COL6A3: variants seen among roughly 807,000 people sequenced by gnomAD.
COL6A3 encodes the protein collagen type VI alpha 3 chain, also known as collagen alpha-3(VI) chain.
Under a neutral mutation model 274.1 loss-of-function variants are expected in COL6A3, and 137 were observed. The observed-to-expected ratio is 0.50, with a 90% CI of 0.44 to 0.58. The LOEUF (loss-of-function observed/expected upper bound fraction) is 0.58. Ranked by LOEUF, COL6A3 falls within the 20% of genes least tolerant of loss-of-function variation. COL6A3 has a pLI of 0.00. For missense variants in COL6A3, 3,950 were observed against 4,124.9 expected (o/e 0.96, Z 1.16); for synonymous variants, 1,650 against 1,650.6 (o/e 1.00, Z 0.01).
Position 237,342,148 on chromosome 2 carries a change from G to A in COL6A3, c.7682C>T (p.Ala2561Val), listed in dbSNP as rs1423559272. Residue 2561 changes from alanine to valine, a missense_variant, in exon 37 of 44, where the codon GCA becomes GTA. Ala to Val is a moderately conservative substitution (Grantham distance 64, BLOSUM62 0). This residue lies in a region of COL6A3 where 1,284 missense variants were observed against 1,349.7 expected (regional missense o/e 0.95). Transcript: ENST00000295550. ...AGGCAGGACAAGCGCATGCCCCACTGCTGTGTTATTGATCTGGTTTAAACA... is the reference window on the plus strand; with the variant it reads ...AGGCAGGACAAGCGCATGCCCCACTACTGTGTTATTGATCTGGTTTAAACA... ...LINALQINNT[A>V]VGHALVLPAG... The A allele has an allele frequency of 1.9e-6, 3 of 1,614,158 alleles. No homozygotes were observed. The highest frequency in any genetic ancestry group is 2.5e-6 in the Non-Finnish European group (3 of 1,179,998).
intron 1 of COL6A3, among the ~76,000 whole-genome samples, chr2:237,408,429 C>T (rs776872479): frequency 2.0e-5 from 3 of 152,208 alleles, no homozygotes; most frequent in Non-Finnish European, 4.4e-5. Context: ...CCTGGTGCAC[C>T]GCCGGGCCGG....
rs140173700 is a variant in COL6A3 at position 237,384,453 on chromosome 2, C to T, written c.1313-2954G>A. 4.3e-3 allele frequency among the ~76,000 whole-genome samples: 651 copies of T among 152,200 alleles called. 6 individuals are homozygous for T. Among genetic ancestry groups the T allele is most frequent in the African/African-American group, 0.015 (627 of 41,506 alleles). ...CTCTCTGTTTTCCTCCATGCCTCAT[C>T]CCTGCACCTCCATCAGACTCTCCTG... On this transcript the variant is annotated intron_variant, in intron 4 of 43. Transcript: ENST00000295550.
chr2:237,348,303 C>G (rs1423201819), intron 30 of COL6A3, 46 bp downstream of exon 30: 1 of 1,523,692 alleles, frequency 6.6e-7, no homozygotes, highest in South Asian at 1.1e-5. Context: ...CATACCAGAG[C>G]CATCCCAAAA....
At chr2:237,356,130 C>A (rs767384446) in intron 23 of COL6A3, among the ~76,000 whole-genome samples, 19 of 152,176 alleles carry the variant, frequency 1.2e-4, no homozygotes, top group South Asian at 4.1e-4. Flanking sequence ...GAATTCAAAT[C>A]CAGTTTCTAC....
At position 237,324,516 on chromosome 2, in the gene COL6A3, C is replaced by T. The variant is rs1699827792; in HGVS notation, c.*258G>A. 1.3e-5 allele frequency: 6 copies of T among 477,098 alleles called. No homozygotes were observed. In the East Asian group the frequency reaches 1.9e-4, roughly 15 times the overall value. The allele number at this position is 477,098 out of a possible 1,614,324, so 29.6% of individuals were successfully genotyped here. ...GGATTGATAGGAATGTTCACATAAACACCAGCAGTGGCTAACTGTTACACA... is the reference window on the plus strand; with the variant it reads ...GGATTGATAGGAATGTTCACATAAATACCAGCAGTGGCTAACTGTTACACA... On this transcript the variant is annotated 3_prime_UTR_variant, in exon 44 of 44. Coordinates refer to ENST00000295550, the MANE Select transcript of COL6A3 (RefSeq NM_004369.4).
rs754390715 is a variant in COL6A3 at position 237,368,759 on chromosome 2, A to G, written c.4704T>C (p.Ile1568=). ...TCCGGTCTCCTACCCCTAAACTCAC[A>G]ATGCCCGAGGAACGGATCACCTGGG... The part of the protein sequence containing the change: ...RFAQVIRSSG[I]VSLGVGDRNI... The change falls in exon 10 of 44, where the codon ATT becomes ATC. Residue 1568 remains isoleucine (I), a synonymous_variant. Transcript: ENST00000295550. This position sits in a 1 kb window ranked among gnomAD's most constrained non-coding sequence, Gnocchi z 4.4. The G allele has an allele frequency of 1.2e-6, 2 of 1,614,124 alleles. No individual in the cohort carries two copies. The highest frequency in any genetic ancestry group is 1.7e-6 in the Non-Finnish European group (2 of 1,180,022).
rs765647487 is a variant in COL6A3, at chr2:237,361,130, C to T, written c.6201G>A (p.Glu2067=). The change falls in exon 16 of 44, where the codon GAG becomes GAA. Residue 2067 remains glutamate, a synonymous_variant. Transcript: ENST00000295550. This position sits in a 1 kb window ranked among gnomAD's most constrained non-coding sequence, Gnocchi z 5.1. ...AACAATTTTTACTTACGGGTCCACC[C>T]TCATCACCAGGATAGCCTCGGTAGC... ...EDGYRGYPGD[E]GGPGERGPPG... The T allele has an allele frequency of 1.2e-6, 2 of 1,614,084 alleles. No homozygotes were observed. The highest frequency in any genetic ancestry group is 1.7e-6 in the Non-Finnish European group (2 of 1,179,966).
rs1217360440 is a variant in COL6A3, at chr2:237,344,510, C to T, written c.7508G>A (p.Arg2503Lys). The T allele has an allele frequency of 6.2e-7, 1 of 1,614,082 alleles. No individual in the cohort carries two copies. Among genetic ancestry groups the T allele is most frequent in the African/African-American group, 1.3e-5 (1 of 74,924 alleles). Residue 2503 changes from arginine (R) to lysine (K), a missense_variant, in exon 36 of 44, where the codon AGG becomes AAG. Transcript: ENST00000295550. This position sits in a 1 kb window ranked among gnomAD's most constrained non-coding sequence, Gnocchi z 4.8. ...CACTTTCCTCATTAGGAATCCGTTC[C>T]TCACACGCTTAAATGTGTTCCTGGC... is the stretch of plus-strand genomic sequence containing the variant. ...FVARNTFKRV[R>K]NGFLMRKVAV...
chr2:237,359,386 G>A lies in COL6A3; in HGVS notation c.6285C>T (p.Gly2095=). The A allele has an allele frequency of 6.2e-7, 1 of 1,613,826 alleles. No individual in the cohort carries two copies. Residue 2095 remains glycine, a splice_region_variant and synonymous_variant, in exon 18 of 44, where the codon GGC becomes GGT. Coordinates refer to ENST00000295550, the MANE Select transcript of COL6A3 (RefSeq NM_004369.4). ...CCTTCTCTCCTGGGAATCCCCGAGA[G>A]CCCTAGAAGGCAAGGCGATAGGGGA... ...QGCPGQRGVK[G]SRGFPGEKGE...
chr2:237,341,213 A>C (rs1226668772), intron 37 of COL6A3, 63 bp from the exon 38 acceptor site: 2 of 1,467,308 alleles, frequency 1.4e-6, no homozygotes, highest in Non-Finnish European at 1.9e-6. Context: ...ACAGCTCATC[A>C]ATCTGCTGGG....
chr2:237,330,715 A>G (rs1053376195), intron 42 of COL6A3, among the ~76,000 whole-genome samples: 2 of 152,236 alleles, frequency 1.3e-5, no homozygotes, highest in Non-Finnish European at 2.9e-5. Context: ...CTGCCCTCGC[A>G]TTACATGCCT....
At chr2:237,358,475 T>G (rs371582317) in intron 21 of COL6A3, 46 bp downstream of exon 21, 2 of 1,513,372 alleles carry the variant, frequency 1.3e-6, no homozygotes, top group African/African-American at 2.7e-5. Context: ...CCAACAACCC[T>G]CTTCCCCAGG....
At chr2:237,348,743 CT>C in intron 28 of COL6A3, 80 bp from the exon 29 acceptor site, 4 of 1,264,058 alleles carry the variant, frequency 3.2e-6, no homozygotes, top group Non-Finnish European at 4.6e-6. Flanking sequence ...GCCGCTGCCC[CT>C]GAGAAGTGGA....
In COL6A3 at chr2:237,394,764, C is replaced by A; in HGVS notation, c.532G>T (p.Glu178Ter). The A allele has an allele frequency of 6.2e-7, 1 of 1,614,220 alleles. No homozygotes were observed. The highest frequency in any genetic ancestry group is 8.5e-7 in the Non-Finnish European group (1 of 1,180,036). ...TTTAACGCTCCTTCATCTGCATCCTCAACTCCAATTGCAAACACGTTAACA... is the reference window on the plus strand; with the variant it reads ...TTTAACGCTCCTTCATCTGCATCCTAAACTCCAATTGCAAACACGTTAACA... ...ADVNVFAIGV[E>*]DADEGALKEI... Residue 178 changes from glutamate (E) to a stop codon, truncating the protein, a stop_gained, in exon 3 of 44, where the codon GAG becomes TAG. Coordinates refer to ENST00000295550, the MANE Select transcript of COL6A3 (RefSeq NM_004369.4). LOFTEE classifies it high-confidence loss of function.
intron 24 of COL6A3, among the ~76,000 whole-genome samples, 165 bp from the exon 25 acceptor site, chr2:237,353,568 T>G (rs2106334696): frequency 1.3e-5 from 2 of 152,302 alleles, no homozygotes; most frequent in Non-Finnish European, 2.9e-5. Context: ...GGTGAGACAC[T>G]GAGCACAGGA....
In COL6A3 at chr2:237,356,991, T is replaced by A. The variant is rs574238043; in HGVS notation, c.6591+347A>T. 1.1e-5 allele frequency: 4 copies of A among 380,882 alleles called. No homozygotes were observed. In the South Asian group the frequency reaches 1.3e-4, roughly 12 times the overall value. 23.6% of individuals were successfully genotyped at this position (380,882 alleles called of 1,614,324 possible). ...AACAAATCCACAACTCCCTCAGCCC[T>A]CTTGCCCCTTATTCCCTCCCTCCCC... On this transcript the variant is annotated intron_variant, in intron 23 of 43. Transcript: ENST00000295550.
Position 237,366,035 on chromosome 2 carries a change from G to A in COL6A3, c.5501C>T (p.Ala1834Val). The change falls in exon 12 of 44, where the codon GCT becomes GTT. Residue 1834 changes from alanine (A) to valine (V), a missense_variant and splice_region_variant. Physicochemically the swap from Ala to Val is moderately conservative, Grantham distance 64 (BLOSUM62 0). This residue lies in a region of COL6A3 where 632 missense variants were observed against 623.4 expected (regional missense o/e 1.01). Transcript: ENST00000295550. The part of the protein sequence containing the change: ...LCPGVTDAAK[A>V]CNLDVILGFD... ...CCCCAGAATCACATCCAGATTACAA[G>A]CTGGAAAGGAGAAATGCAGGTGATG... 1 of 1,612,786 alleles carries A rather than the reference G, an allele frequency of 6.2e-7. No homozygotes were observed. Among genetic ancestry groups the A allele is most frequent in the Non-Finnish European group, 8.5e-7 (1 of 1,179,412 alleles).
intron 17 of COL6A3, among the ~76,000 whole-genome samples, chr2:237,359,824 G>T (rs1230428769): frequency 6.6e-6 from 1 of 152,152 alleles, no homozygotes; most frequent in Non-Finnish European, 1.5e-5. Context: ...CTCCGCCCTG[G>T]CCCATGTTCT....
At chr2:237,411,256 A>C (rs1334007266) in intron 1 of COL6A3, among the ~76,000 whole-genome samples, 1 of 152,194 alleles carries the variant, frequency 6.6e-6, no homozygotes, top group African/African-American at 2.4e-5. Flanking sequence ...CTTTCAAATA[A>C]AAATTTTTGC....
Sources: gnomAD v4.1 joint callset for allele counts (sites outside exome capture counted in the v4.1 genomes callset) on GRCh38, gnomAD v4.1.1 for gene constraint, gnomAD v4.1.1 regional missense constraint, Gnocchi (gnomAD v3.1) non-coding constraint, MANE v1.5 for transcripts, NCBI Gene and HGNC (gene_info 2026-07-23, HGNC 2026-07-21) for gene names.